NDRG1: variants seen among roughly 807,000 people sequenced by gnomAD.
The protein encoded by NDRG1 is N-myc downstream regulated 1, also known as protein NDRG1.
NDRG1 carries 32 observed loss-of-function variants against 56.9 expected under a neutral mutation model. The ratio of observed to expected loss-of-function variants is 0.56; its 90% CI spans 0.42 to 0.76. The LOEUF (loss-of-function observed/expected upper bound fraction) is 0.76. NDRG1 is among the 30% of genes least tolerant of loss of function. NDRG1 has a pLI of 0.00. For synonymous variants in NDRG1, 211 were observed against 204.1 expected, an observed-to-expected ratio of 1.03 and a Z score of -0.29; for missense variants, 507 against 545.7, an observed-to-expected ratio of 0.93 and a Z score of 0.71.
At chr8:133,249,685 C>T (rs575492809) in intron 10 of NDRG1, among the ~76,000 whole-genome samples, 3 of 152,292 alleles carry the variant, frequency 2.0e-5, no homozygotes, top group African/African-American at 7.2e-5. Flanking sequence ...TGCCAGGTTT[C>T]GGTTTCTTCA....
intron 1 of NDRG1, among the ~76,000 whole-genome samples, chr8:133,289,003 G>T (rs1858285281): frequency 6.6e-6 from 1 of 152,208 alleles, no homozygotes; most frequent in South Asian, 2.1e-4. Context: ...CTGGGGGAAG[G>T]CTTGCAGGCC....
intron 3 of NDRG1, among the ~76,000 whole-genome samples, chr8:133,270,210 C>T (rs1248050421): frequency 6.6e-6 from 1 of 152,246 alleles, no homozygotes; most frequent in Non-Finnish European, 1.5e-5. Flanking sequence ...GCAACCATGG[C>T]ACGTACCACT....
chr8:133,244,761 A>C, intron 13 of NDRG1: 1 of 395,684 alleles, frequency 2.5e-6, no homozygotes, highest in Non-Finnish European at 4.7e-6. Context: ...TCTGACCCGA[A>C]AGGGTTTGAT....
At chr8:133,281,901 T>G (rs1857828450) in intron 2 of NDRG1, among the ~76,000 whole-genome samples, 1 of 152,156 alleles carries the variant, frequency 6.6e-6, no homozygotes, top group South Asian at 2.1e-4. Flanking sequence ...GGAAAGCCAT[T>G]CTGTACAGCA....
At chr8:133,256,642 G>C (rs1278913515) in intron 8 of NDRG1, 135 bp downstream of exon 8, 2 of 793,566 alleles carry the variant, frequency 2.5e-6, no homozygotes, top group South Asian at 1.5e-5. Flanking sequence ...GAGGGAACTG[G>C]AGTGGGCAGT....
chr8:133,276,995 G>A (rs1857488641), intron 3 of NDRG1, among the ~76,000 whole-genome samples: 1 of 152,212 alleles, frequency 6.6e-6, no homozygotes, highest in South Asian at 2.1e-4. Context: ...ATATGATTCA[G>A]CCTTAAAAAG....
At chr8:133,260,735 A>C (rs1445366648) in intron 5 of NDRG1, among the ~76,000 whole-genome samples, 2 of 152,192 alleles carry the variant, frequency 1.3e-5, no homozygotes, top group African/African-American at 4.8e-5. Flanking sequence ...CTCTCTGATA[A>C]AGGTTAATTA....
chr8:133,279,026 G>GT (rs1857622032), intron 3 of NDRG1, among the ~76,000 whole-genome samples: 2 of 152,038 alleles, frequency 1.3e-5, no homozygotes, highest in South Asian at 4.1e-4. Flanking sequence ...AGTAGCTGGG[G>GT]TTATAGGTGC....
In NDRG1 at chr8:133,238,012, T is replaced by A. The variant is rs16904865; in HGVS notation, c.*866A>T. On this transcript the variant is annotated 3_prime_UTR_variant, in exon 16 of 16. Coordinates refer to ENST00000323851, the MANE Select transcript of NDRG1 (RefSeq NM_006096.4). ...GAATGTTGCCCTCCATTCTAAGGAA[T>A]GCAAAACAAATCTAAATGATCTTCT... 5,428 of 233,114 alleles carry A rather than the reference T, an allele frequency of 0.023. 113 individuals are homozygous for A. Among genetic ancestry groups the A allele is most frequent in the African/African-American group, 0.05 (2,275 of 45,412 alleles). The allele number at this position is 233,114 out of a possible 1,614,324, so 14.4% of individuals were successfully genotyped here. A position where few individuals can be genotyped will look rare whatever the true frequency, so the allele number is the denominator to read the frequency against.
At chr8:133,275,218 G>C (rs1263529337) in intron 3 of NDRG1, among the ~76,000 whole-genome samples, 1 of 152,110 alleles carries the variant, frequency 6.6e-6, no homozygotes, top group Non-Finnish European at 1.5e-5. Flanking sequence ...AAAATCTGGG[G>C]GACGCTTTCA....
chr8:133,242,478 C>T (rs182173309), intron 14 of NDRG1, among the ~76,000 whole-genome samples: 4 of 152,338 alleles, frequency 2.6e-5, no homozygotes, highest in Admixed American at 2.6e-4. Context: ...CTGACAACCC[C>T]TCACGAGGTC....
intron 15 of NDRG1, chr8:133,239,797 G>A (rs938290484): frequency 2.0e-5 from 3 of 153,476 alleles, no homozygotes; most frequent in African/African-American, 7.2e-5. Flanking sequence ...CCTGTACCGG[G>A]TGGGACAGTG....
At chr8:133,283,101 G>A (rs536046691) in intron 2 of NDRG1, among the ~76,000 whole-genome samples, 3 of 152,306 alleles carry the variant, frequency 2.0e-5, no homozygotes, top group African/African-American at 7.2e-5. Flanking sequence ...ACCAACGTCC[G>A]CTGGCCTGGG....
Position 133,244,294 on chromosome 8 carries a change from C to T in NDRG1, c.891+61G>A, listed in dbSNP as rs2233342. ...TGAGGGAACAGGTGTCACAGAGGCACATGCACTCCACCCAGGGGGAAGCGA... is the reference window on the plus strand; with the variant it reads ...TGAGGGAACAGGTGTCACAGAGGCATATGCACTCCACCCAGGGGGAAGCGA... On this transcript the variant is annotated intron_variant, in intron 14 of 15. Coordinates refer to ENST00000323851, the MANE Select transcript of NDRG1 (RefSeq NM_006096.4). 2,897 of 1,592,178 alleles carry T rather than the reference C, an allele frequency of 1.8e-3. 42 individuals carry two copies. The African/African-American group carries it at 0.033, about 18-fold the overall frequency.
chr8:133,280,383 G>C (rs1376227750), intron 2 of NDRG1, 116 bp from the exon 3 acceptor site: 1 of 972,644 alleles, frequency 1.0e-6, no homozygotes, highest in African/African-American at 1.6e-5. Flanking sequence ...CCTCCTTTGT[G>C]GGGTCTCCTT....
intron 9 of NDRG1, among the ~76,000 whole-genome samples, chr8:133,251,097 A>T (rs1441698844): frequency 6.6e-6 from 1 of 152,214 alleles, no homozygotes; most frequent in Non-Finnish European, 1.5e-5. Context: ...AACTCATGCC[A>T]CAGGAAGTTA....
At chr8:133,260,352 C>T (rs369017597) in intron 5 of NDRG1, among the ~76,000 whole-genome samples, 6 of 152,198 alleles carry the variant, frequency 3.9e-5, no homozygotes, top group African/African-American at 1.4e-4. Flanking sequence ...CCTCACCCCT[C>T]CCAAGCCCCA....
chr8:133,258,582 G>A (rs1331163391), intron 6 of NDRG1, among the ~76,000 whole-genome samples, 156 bp from the exon 7 acceptor site: 2 of 152,186 alleles, frequency 1.3e-5, no homozygotes, highest in African/African-American at 2.4e-5. Flanking sequence ...CCATGCTTTA[G>A]GACTGGACAG....
At chr8:133,264,514 G>A in intron 4 of NDRG1, 33 bp downstream of exon 4, 1 of 1,596,072 alleles carries the variant, frequency 6.3e-7, no homozygotes, top group Non-Finnish European at 8.6e-7. Context: ...TTGGGAACCG[G>A]CTGACAGGGA....
Sources: allele counts gnomAD v4.1 joint callset (sites outside exome capture counted in the v4.1 genomes callset), GRCh38; gene constraint gnomAD v4.1.1; transcripts MANE v1.5; gene names NCBI Gene and HGNC (gene_info 2026-07-23, HGNC 2026-07-21).